URI1: variants seen among roughly 807,000 people sequenced by gnomAD.
The protein encoded by URI1 is URI1 prefoldin like chaperone, also known as unconventional prefoldin RPB5 interactor 1.
URI1 carries 39 observed loss-of-function variants against 60.2 expected under a neutral mutation model. The observed-to-expected ratio is 0.65, with a 90% CI of 0.50 to 0.85. The LOEUF is 0.85. Ranked by LOEUF, URI1 falls within the 40% of genes least tolerant of loss-of-function variation. The probability of loss-of-function intolerance (pLI) is 0.00; values close to 1 mark genes in which losing one functional copy is unlikely to be tolerated. For missense variants in URI1, 691 were observed against 665.9 expected, an observed-to-expected ratio of 1.04 and a Z score of -0.42; for synonymous variants, 251 against 236.8, an observed-to-expected ratio of 1.06 and a Z score of -0.55.
chr19:29,957,252 G>T (rs1296284886), intron 1 of URI1, among the ~76,000 whole-genome samples: 1 of 131,446 alleles, frequency 7.6e-6, no homozygotes, highest in Admixed American at 8.1e-5. Flanking sequence ...TCAATCAAAT[G>T]AAGGTCTGCT....
In URI1 at chr19:30,015,250, TA is replaced by T. The variant is rs2056072069; in HGVS notation, c.*183del. ...AATCAAGGTAACTGTCTGAATACTT[TA>T]ATATCAGCTTGTTTTGTGAATTCTC... On this transcript the variant is annotated 3_prime_UTR_variant, in exon 11 of 11. Coordinates refer to ENST00000392271, the MANE Select transcript of URI1 (RefSeq NM_003796.3). 1 of 1,414,848 alleles carries T rather than the reference TA, an allele frequency of 7.1e-7. No homozygotes were observed. The highest frequency in any genetic ancestry group is 9.2e-7 in the Non-Finnish European group (1 of 1,089,340). 87.6% of individuals were successfully genotyped at this position (1,414,848 alleles called of 1,614,324 possible).
chr19:29,985,788 T>C (rs2055660959), intron 3 of URI1, among the ~76,000 whole-genome samples: 1 of 152,252 alleles, frequency 6.6e-6, no homozygotes, highest in Non-Finnish European at 1.5e-5. Flanking sequence ...TTCTTTCTTA[T>C]GAAGACTTTG....
chr19:29,999,784 TGATA>T (rs1328158832), intron 4 of URI1, among the ~76,000 whole-genome samples: 1 of 151,992 alleles, frequency 6.6e-6, no homozygotes, highest in Non-Finnish European at 1.5e-5. Flanking sequence ...TTTTAGTTTA[TGATA>T]GATGTATATA....
At chr19:29,994,063 A>ATGTATG (rs1303097355) in intron 4 of URI1, among the ~76,000 whole-genome samples, 1 of 147,872 alleles carries the variant, frequency 6.8e-6, no homozygotes, top group African/African-American at 2.5e-5. Context: ...CTCTGTGTGT[A>ATGTATG]TGTGTGTGTG....
chr19:29,991,743 T>A (rs995585276), intron 4 of URI1, among the ~76,000 whole-genome samples: 1 of 152,164 alleles, frequency 6.6e-6, no homozygotes, highest in Admixed American at 6.5e-5. Context: ...GTAGGTTTTT[T>A]AAAAAAATTA....
At chr19:29,993,194 T>TA (rs1399640857) in intron 4 of URI1, among the ~76,000 whole-genome samples, 1 of 152,186 alleles carries the variant, frequency 6.6e-6, no homozygotes, top group African/African-American at 2.4e-5. Flanking sequence ...GGGTAATGGC[T>TA]ATAGGCTTAG....
chr19:29,930,251 T>G (rs2054905177), intron 1 of URI1, among the ~76,000 whole-genome samples: 1 of 152,188 alleles, frequency 6.6e-6, no homozygotes, highest in Non-Finnish European at 1.5e-5. Context: ...TAGTGTCCTT[T>G]GATGCATAAA....
intron 2 of URI1, among the ~76,000 whole-genome samples, chr19:29,977,558 CTTTTTTTT>C (rs749382980): frequency 7.1e-5 from 8 of 112,594 alleles, no homozygotes; most frequent in East Asian, 2.5e-4. Flanking sequence ...GTTATTTTTT[CTTTTTTTT>C]TTTTTTTTTC....
chr19:29,988,225 C>A (rs1471877935), intron 4 of URI1, among the ~76,000 whole-genome samples: 1 of 151,016 alleles, frequency 6.6e-6, no homozygotes, highest in Non-Finnish European at 1.5e-5. Context: ...ATAATTTATA[C>A]CTGAAGAAAA....
intron 1 of URI1, among the ~76,000 whole-genome samples, chr19:29,961,081 G>A (rs879874326): frequency 9.2e-5 from 14 of 151,420 alleles, no homozygotes; most frequent in Non-Finnish European, 1.5e-4. Flanking sequence ...GGGTGGTCTC[G>A]AACTCCTGGC....
intron 1 of URI1, among the ~76,000 whole-genome samples, chr19:29,958,752 G>A (rs937145849): frequency 6.6e-6 from 1 of 151,840 alleles, no homozygotes; most frequent in Admixed American, 6.6e-5. Flanking sequence ...GTGAGGTCAG[G>A]GGTTTGAGAT....
intron 6 of URI1, among the ~76,000 whole-genome samples, chr19:30,006,780 C>G (rs1438198277): frequency 2.6e-5 from 4 of 151,968 alleles, no homozygotes; most frequent in African/African-American, 9.7e-5. Flanking sequence ...GCAAATAAAG[C>G]CTTAATTTGC....
intron 1 of URI1, among the ~76,000 whole-genome samples, chr19:29,926,494 C>G (rs2054869580): frequency 6.6e-6 from 1 of 152,080 alleles, no homozygotes; most frequent in Non-Finnish European, 1.5e-5. Context: ...GTTGCCCAGA[C>G]TAGACTTGAA....
chr19:29,969,918 GTGAT>G (rs1053334341), intron 1 of URI1, among the ~76,000 whole-genome samples: 3 of 152,112 alleles, frequency 2.0e-5, no homozygotes, highest in South Asian at 2.1e-4. Context: ...GTGTTGCTAT[GTGAT>G]TGATACTTAC....
chr19:29,947,736 C>T (rs2055120132), intron 1 of URI1, among the ~76,000 whole-genome samples: 1 of 152,200 alleles, frequency 6.6e-6, no homozygotes. Flanking sequence ...CTTCCCTGGT[C>T]TGTGGCTTGA....
intron 1 of URI1, among the ~76,000 whole-genome samples, chr19:29,968,585 T>C (rs2055419240): frequency 7.0e-6 from 1 of 142,502 alleles, no homozygotes; most frequent in Non-Finnish European, 1.5e-5. Context: ...TTTTTTTTTT[T>C]TTTTGAGATG....
intron 2 of URI1, 90 bp downstream of exon 2, chr19:29,971,317 GTGTA>G: frequency 7.8e-7 from 1 of 1,279,392 alleles, no homozygotes; most frequent in Non-Finnish European, 1.1e-6. Flanking sequence ...TTGCGTGTGT[GTGTA>G]TGTATGACTA....
intron 4 of URI1, among the ~76,000 whole-genome samples, chr19:29,988,687 T>C (rs1303833706): frequency 6.6e-6 from 1 of 152,216 alleles, no homozygotes; most frequent in East Asian, 1.9e-4. Context: ...CATTCACCTT[T>C]TGAGGGACAT....
At chr19:29,977,334 G>C (rs1009218082) in intron 2 of URI1, among the ~76,000 whole-genome samples, 16 of 151,886 alleles carry the variant, frequency 1.1e-4, no homozygotes, top group African/African-American at 3.9e-4. Flanking sequence ...CTGTTTTCTT[G>C]AGTTGCCTTC....
Sources: gnomAD v4.1 joint callset for allele counts (sites outside exome capture counted in the v4.1 genomes callset) on GRCh38, gnomAD v4.1.1 for gene constraint, MANE v1.5 for transcripts, NCBI Gene and HGNC (gene_info 2026-07-23, HGNC 2026-07-21) for gene names.